Variants in DOK6 observed in about 807,000 individuals in gnomAD.
DOK6 encodes the protein downstream of tyrosine kinase 6.
A neutral mutation model predicts 44.0 loss-of-function variants in DOK6; 22 were observed. That is an observed-to-expected ratio of 0.50 (90% CI 0.36 to 0.71). The LOEUF (loss-of-function observed/expected upper bound fraction) is 0.71. Among genes scored for constraint, DOK6 ranks in the 30% least tolerant of loss-of-function variants. The probability of loss-of-function intolerance (pLI) is 0.00; values close to 1 mark genes in which losing one functional copy is unlikely to be tolerated. For synonymous variants in DOK6, 166 were observed against 145.5 expected (o/e 1.14, Z -1.01); for missense variants, 340 against 416.4 (o/e 0.82, Z 1.60).
intron 7 of DOK6, among the ~76,000 whole-genome samples, chr18:69,818,805 C>G (rs1294682614): frequency 6.6e-6 from 1 of 152,102 alleles, no homozygotes; most frequent in Non-Finnish European, 1.5e-5. Flanking sequence ...GATAAAGGCC[C>G]CCTAGTTAGA....
At chr18:69,798,771 T>C (rs567255673) in intron 7 of DOK6, among the ~76,000 whole-genome samples, 1 of 151,882 alleles carries the variant, frequency 6.6e-6, no homozygotes, top group Admixed American at 6.6e-5. Context: ...AAATAAATGT[T>C]CTGCATATTA....
At chr18:69,832,157 A>T (rs1981918408) in intron 7 of DOK6, among the ~76,000 whole-genome samples, 1 of 152,158 alleles carries the variant, frequency 6.6e-6, no homozygotes, top group African/African-American at 2.4e-5. Context: ...GTATGATACT[A>T]GCTGTGGGTT....
intron 1 of DOK6, among the ~76,000 whole-genome samples, chr18:69,450,905 A>C (rs1339256767): frequency 6.6e-6 from 1 of 150,844 alleles, no homozygotes; most frequent in African/African-American, 2.4e-5. Context: ...GAGCTCCTGA[A>C]AGAAGCGCTA....
Position 69,527,685 on chromosome 18 carries a change from A to G in DOK6, c.67-36802A>G, listed in dbSNP as rs551325255. On this transcript the variant is annotated intron_variant, in intron 1 of 7. Coordinates refer to ENST00000382713, the MANE Select transcript of DOK6 (RefSeq NM_152721.6). Reference sequence around the variant, plus strand: ...ATATACATACTTTCCACTGAAATTCATCTGGCAACTACTGATTTGTACAAA... The same window carrying G: ...ATATACATACTTTCCACTGAAATTCGTCTGGCAACTACTGATTTGTACAAA... Among the ~76,000 whole-genome samples, 3 of 152,318 alleles carry G rather than the reference A, an allele frequency of 2.0e-5. No individual in the cohort carries two copies. In the East Asian group the frequency reaches 5.8e-4, roughly 29 times the overall value.
intron 7 of DOK6, among the ~76,000 whole-genome samples, chr18:69,773,714 G>A (rs924957316): frequency 7.2e-5 from 11 of 151,838 alleles, no homozygotes; most frequent in Non-Finnish European, 1.5e-4. Context: ...CTGTGCAACA[G>A]GTATAAAGTT....
At chr18:69,547,801 A>G (rs1982445857) in intron 1 of DOK6, among the ~76,000 whole-genome samples, 1 of 150,672 alleles carries the variant, frequency 6.6e-6, no homozygotes, top group Non-Finnish European at 1.5e-5. Flanking sequence ...AGAATGTGCA[A>G]TATTTGTCTT....
At chr18:69,446,038 CT>C (rs1016998353) in intron 1 of DOK6, among the ~76,000 whole-genome samples, 12 of 146,740 alleles carry the variant, frequency 8.2e-5, no homozygotes, top group African/African-American at 2.3e-4. Context: ...ATTTATATTT[CT>C]TTTTTTATTT....
intron 1 of DOK6, among the ~76,000 whole-genome samples, chr18:69,556,883 A>G (rs1599190272): frequency 6.6e-6 from 1 of 152,312 alleles, no homozygotes; most frequent in Non-Finnish European, 1.5e-5. Context: ...TTTTTACACA[A>G]ACCAAGTGTG....
chr18:69,438,310 A>T (rs1236683168), intron 1 of DOK6, among the ~76,000 whole-genome samples: 1 of 152,236 alleles, frequency 6.6e-6, no homozygotes, highest in Non-Finnish European at 1.5e-5. Flanking sequence ...CTTCATCATG[A>T]GTAGATTCCA....
intron 1 of DOK6, among the ~76,000 whole-genome samples, chr18:69,463,169 C>T (rs140917090): frequency 5.0e-4 from 76 of 152,186 alleles, no homozygotes; most frequent in African/African-American, 1.8e-3. Context: ...TGTGTCCTCG[C>T]CATGGTGGAA....
At chr18:69,544,472 A>T (rs1422309349) in intron 1 of DOK6, among the ~76,000 whole-genome samples, 1 of 151,686 alleles carries the variant, frequency 6.6e-6, no homozygotes, top group East Asian at 1.9e-4. Flanking sequence ...TCAGTAAAGG[A>T]GGAGAACCAC....
Position 69,784,086 on chromosome 18 carries a change from C to A in DOK6, c.856+26213C>A, listed in dbSNP as rs538535443. Among the ~76,000 whole-genome samples, 5 of 152,216 alleles carry A rather than the reference C, an allele frequency of 3.3e-5. No individual in the cohort carries two copies. The South Asian group carries it at 8.3e-4, about 25-fold the overall frequency. ...CCTGTAGTCTCAGCTACTCGGGAAGCTGAGTGGTGGGAGGATCACTTAAGC... is the reference window on the plus strand; with the variant it reads ...CCTGTAGTCTCAGCTACTCGGGAAGATGAGTGGTGGGAGGATCACTTAAGC... On this transcript the variant is annotated intron_variant, in intron 7 of 7. Transcript: ENST00000382713.
chr18:69,696,833 G>A (rs549643766), intron 4 of DOK6, among the ~76,000 whole-genome samples: 1 of 152,272 alleles, frequency 6.6e-6, no homozygotes, highest in African/African-American at 2.4e-5. Flanking sequence ...ACTTCAGTTG[G>A]TTGCACATAA....
At chr18:69,661,501 G>C (rs904277816) in intron 3 of DOK6, 2 of 152,188 alleles carry the variant, frequency 1.3e-5, no homozygotes, top group African/African-American at 4.8e-5. Flanking sequence ...TCCTAGATAG[G>C]AAATTGAAAT....
At chr18:69,625,551 T>G (rs1984539549) in intron 3 of DOK6, among the ~76,000 whole-genome samples, 1 of 152,202 alleles carries the variant, frequency 6.6e-6, no homozygotes, top group Non-Finnish European at 1.5e-5. Flanking sequence ...GTATATAAGG[T>G]CAGATGCTCA....
intron 3 of DOK6, among the ~76,000 whole-genome samples, chr18:69,642,463 G>GTC (rs1358287190): frequency 1.3e-5 from 2 of 152,114 alleles, no homozygotes; most frequent in Non-Finnish European, 2.9e-5. Flanking sequence ...GGCCAACCTA[G>GTC]GCAACATAAT....
At chr18:69,577,645 A>C (rs577463939) in intron 2 of DOK6, among the ~76,000 whole-genome samples, 35 of 152,300 alleles carry the variant, frequency 2.3e-4, no homozygotes, top group African/African-American at 8.2e-4. Context: ...AGCAGGGAAT[A>C]TGCCCACAGA....
chr18:69,683,598 T>C (rs1986088853), intron 4 of DOK6, among the ~76,000 whole-genome samples: 1 of 152,136 alleles, frequency 6.6e-6, no homozygotes, highest in Admixed American at 6.5e-5. Flanking sequence ...CCAAGGAACA[T>C]CAAGCATTGC....
chr18:69,790,370 G>GTGTATACCT (rs1403788126), intron 7 of DOK6, among the ~76,000 whole-genome samples: 2 of 152,162 alleles, frequency 1.3e-5, no homozygotes, highest in African/African-American at 4.8e-5. Context: ...ACCATGGCAC[G>GTGTATACCT]TGTATACCTT....
Sources: gnomAD v4.1 joint callset for allele counts (sites outside exome capture counted in the v4.1 genomes callset) on GRCh38, gnomAD v4.1.1 for gene constraint, MANE v1.5 for transcripts, NCBI Gene and HGNC (gene_info 2026-07-23, HGNC 2026-07-21) for gene names.